Variants in HAP1 observed in about 807,000 individuals in gnomAD.
The protein encoded by HAP1 is huntingtin associated protein 1, also known as huntingtin-associated protein 1.
HAP1 carries 59 observed loss-of-function variants against 60.3 expected under a neutral mutation model. The observed-to-expected ratio is 0.98, with a 90% confidence interval of 0.79 to 1.22. The LOEUF (loss-of-function observed/expected upper bound fraction) is 1.22. Ranked by LOEUF, HAP1 falls within the 50% of genes most tolerant of loss-of-function variation. HAP1 has a pLI of 0.00. For synonymous variants in HAP1, 346 were observed against 330.6 expected, an observed-to-expected ratio of 1.05 and a Z score of -0.50; for missense variants, 825 against 785.3, an observed-to-expected ratio of 1.05 and a Z score of -0.60.
chr17:41,732,484 G>T, intron 2 of HAP1, 90 bp from the exon 3 acceptor site: 2 of 1,373,432 alleles, frequency 1.5e-6, no homozygotes, highest in Non-Finnish European at 2.0e-6. Flanking sequence ...ACCAGAGTCT[G>T]CCATTAACCC....
Position 41,734,254 on chromosome 17 carries a change from GC to G in HAP1, c.380del (p.Gly127AlafsTer50), listed in dbSNP as rs1176988331. The G allele has an allele frequency of 1.9e-6, 3 of 1,605,214 alleles. No individual in the cohort carries two copies. Among genetic ancestry groups the G allele is most frequent in the Non-Finnish European group, 2.6e-6 (3 of 1,174,830 alleles). ...ATGRGTGKAA[G>X]IWKTPAAYVG... The stretch of plus-strand genomic sequence containing the variant: ...CGTAGGCGGCTGGCGTCTTCCAGAT[GC>G]CCGCTGCCTTTCCAGTCCCCCGGCC... On this transcript the variant is annotated frameshift_variant, in exon 1 of 11. Coordinates refer to ENST00000347901, the MANE Select transcript of HAP1 (RefSeq NM_177977.3). LOFTEE classifies it high-confidence loss of function.
At position 41,727,819 on chromosome 17, in the gene HAP1, T is replaced by TG. The variant is rs1567781705; in HGVS notation, c.1217_1218insC (p.Glu406AspfsTer32). 1 of 1,608,642 alleles carries TG rather than the reference T, an allele frequency of 6.2e-7. No individual in the cohort carries two copies. The highest frequency in any genetic ancestry group is 1.1e-5 in the South Asian group (1 of 91,024). On this transcript the variant is annotated frameshift_variant, in exon 8 of 11. Transcript: ENST00000347901. LOFTEE classifies it high-confidence loss of function. ...CCGAAGCCAGCTGCTTCTGCAACTT[T>TG]TCAGTCTCAGCCCCATACTGGAAGG...
intron 8 of HAP1, 103 bp from the exon 9 acceptor site, chr17:41,727,247 G>A (rs1911724311): frequency 3.8e-6 from 3 of 797,370 alleles, no homozygotes; most frequent in South Asian, 1.3e-5. Flanking sequence ...CACCAAGGCT[G>A]AGACACAGGC....
intron 6 of HAP1, among the ~76,000 whole-genome samples, chr17:41,729,151 G>A (rs1319831515): frequency 6.7e-6 from 1 of 150,112 alleles, no homozygotes; most frequent in Non-Finnish European, 1.5e-5. Context: ...ATGTTGGCCA[G>A]GCTGGTCTCA....
At chr17:41,731,800 GC>G in intron 4 of HAP1, 57 bp from the exon 5 acceptor site, 1 of 1,275,616 alleles carries the variant, frequency 7.8e-7, no homozygotes, top group Non-Finnish European at 1.1e-6. Flanking sequence ...CCAGTTCCCA[GC>G]CCACCAGGGC....
chr17:41,719,213 C>T (rs1273558544), downstream of HAP1, among the ~76,000 whole-genome samples: 3 of 151,916 alleles, frequency 2.0e-5, no homozygotes, highest in Admixed American at 6.6e-5. Flanking sequence ...CTCCTGACCC[C>T]GTGATCCACC....
chr17:41,729,420 C>T (rs1911948170), intron 6 of HAP1, among the ~76,000 whole-genome samples: 1 of 148,790 alleles, frequency 6.7e-6, no homozygotes, highest in Middle Eastern at 3.2e-3. Context: ...CATGGTGGCG[C>T]ATGCCTGTAA....
intron 8 of HAP1, 127 bp downstream of exon 8, chr17:41,727,635 G>A (rs948151884): frequency 1.2e-5 from 8 of 669,406 alleles, no homozygotes; most frequent in African/African-American, 3.5e-5. Context: ...CATGGAGGGG[G>A]TGGAAACGGA....
At chr17:41,729,451 G>A (rs1398694239) in intron 6 of HAP1, among the ~76,000 whole-genome samples, 1 of 144,036 alleles carries the variant, frequency 6.9e-6, no homozygotes, top group African/African-American at 2.6e-5. Context: ...TCGGGAGGCT[G>A]AGGCAGGAGA....
In HAP1 at chr17:41,722,953, C is replaced by A. The variant is rs1911311656; in HGVS notation, c.*1748G>T. 1 of 152,504 alleles carries A rather than the reference C, an allele frequency of 6.6e-6. No individual in the cohort carries two copies. Among genetic ancestry groups the A allele is most frequent in the East Asian group, 1.9e-4 (1 of 5,190 alleles). The allele number at this position is 152,504 out of a possible 1,614,324, so 9.4% of individuals were successfully genotyped here. ...CTGGGCAGAGGGGCCCTCACCCACCCACACACAGAGACACTTGTGGTTACA... is the reference window on the plus strand; with the variant it reads ...CTGGGCAGAGGGGCCCTCACCCACCAACACACAGAGACACTTGTGGTTACA... On this transcript the variant is annotated 3_prime_UTR_variant, in exon 11 of 11. Transcript: ENST00000347901.
Position 41,723,827 on chromosome 17 carries a change from G to A in HAP1, c.*874C>T, listed in dbSNP as rs964824141. 1 of 152,450 alleles carries A rather than the reference G, an allele frequency of 6.6e-6. No homozygotes were observed. The highest frequency in any genetic ancestry group is 6.5e-5 in the Admixed American group (1 of 15,278). 9.4% of individuals were successfully genotyped at this position (152,450 alleles called of 1,614,324 possible). A position where few individuals can be genotyped will look rare whatever the true frequency, so the allele number is the denominator to read the frequency against. On this transcript the variant is annotated 3_prime_UTR_variant, in exon 11 of 11. Coordinates refer to ENST00000347901, the MANE Select transcript of HAP1 (RefSeq NM_177977.3). ...TACCAGGACAGCACTAGAGGGGAGG[G>A]ATGGGCCAGTGAAGGTGCTACAGCA...
chr17:41,727,089 CT>C lies in HAP1; in HGVS notation c.1330del (p.Arg444GlyfsTer3). On this transcript the variant is annotated frameshift_variant, in exon 9 of 11. Coordinates refer to ENST00000347901, the MANE Select transcript of HAP1 (RefSeq NM_177977.3). LOFTEE classifies it high-confidence loss of function. The part of the protein sequence containing the change: ...TLAEELRTSL[R>X]RMISDPVYFM... ...ATACACAGGGTCTGAGATCATCCTC[CT>C]TAGAGACGTTCTGAGCTCCTCAGCC... The C allele has an allele frequency of 6.3e-7, 1 of 1,589,312 alleles. No homozygotes were observed. The highest frequency in any genetic ancestry group is 8.6e-7 in the Non-Finnish European group (1 of 1,163,674).
intron 3 of HAP1, 43 bp from the exon 4 acceptor site, chr17:41,732,161 G>T (rs369933257): frequency 5.0e-6 from 8 of 1,610,090 alleles, no homozygotes; most frequent in Non-Finnish European, 6.8e-6. Flanking sequence ...AGTGGGCAGG[G>T]ACAGGAGAGG....
chr17:41,727,186 A>G (rs782182576), intron 8 of HAP1, 42 bp from the exon 9 acceptor site: 2 of 1,044,676 alleles, frequency 1.9e-6, no homozygotes, highest in South Asian at 2.5e-5. Context: ...ACCCCCACAG[A>G]ACCCCCACCC....
intron 6 of HAP1, 47 bp from the exon 7 acceptor site, chr17:41,728,378 G>A (rs1555589621): frequency 1.9e-6 from 3 of 1,597,826 alleles, no homozygotes; most frequent in East Asian, 2.2e-5. Flanking sequence ...CTGGCCTTCA[G>A]GGACCAGCTC....
rs1912221551 is a variant in HAP1 at position 41,731,755 on chromosome 17, A to C, written c.897-12T>G. 1 of 1,590,910 alleles carries C rather than the reference A, an allele frequency of 6.3e-7. No individual in the cohort carries two copies. On this transcript the variant is annotated splice_polypyrimidine_tract_variant and intron_variant, in intron 4 of 10. Transcript: ENST00000347901. ...CCTCCTGCGAAATCCTAGGGGAGGG[A>C]GGAATGGGAGTCAGGGTGCAGGGAG...
chr17:41,720,363 T>C (rs1911150881), downstream of HAP1, among the ~76,000 whole-genome samples: 1 of 151,438 alleles, frequency 6.6e-6, no homozygotes, highest in South Asian at 2.1e-4. Flanking sequence ...ACCTGGCTAA[T>C]TTTGTATTTT....
chr17:41,733,028 G>GGT (rs11412387), intron 1 of HAP1, among the ~76,000 whole-genome samples: 18 of 56,192 alleles, frequency 3.2e-4, no homozygotes, highest in South Asian at 1.8e-3. Flanking sequence ...AGGTTTTTGG[G>GGT]TTTTTTTTGG....
In HAP1 at chr17:41,724,612, A is replaced by G; in HGVS notation, c.*89T>C. The G allele has an allele frequency of 2.2e-6, 2 of 916,692 alleles. No individual in the cohort carries two copies. Among genetic ancestry groups the G allele is most frequent in the Non-Finnish European group, 3.4e-6 (2 of 588,226 alleles). The allele number at this position is 916,692 out of a possible 1,614,324, so 56.8% of individuals were successfully genotyped here. On this transcript the variant is annotated 3_prime_UTR_variant, in exon 11 of 11. Transcript: ENST00000347901. ...AAGGGGATCAGAGGTGTCTATGCAA[A>G]TGATATGCAAAGTCCATGCAAATAA...
Sources: allele counts gnomAD v4.1 joint callset (sites outside exome capture counted in the v4.1 genomes callset), GRCh38; gene constraint gnomAD v4.1.1; transcripts MANE v1.5; gene names NCBI Gene and HGNC (gene_info 2026-07-23, HGNC 2026-07-21).